Variants in NCKAP5 observed in about 807,000 individuals in gnomAD.
NCKAP5 encodes nck-associated protein 5.
In NCKAP5, 92 loss-of-function variants were observed where a neutral mutation model predicts 167.0. That is an observed-to-expected ratio of 0.55 (90% CI 0.47 to 0.66). The LOEUF is 0.66. NCKAP5 is among the 30% of genes least tolerant of loss of function. The pLI is 0.00. For missense variants in NCKAP5, 2,378 were observed against 2,315.0 expected (o/e 1.03, Z -0.56); for synonymous variants, 891 against 877.4 (o/e 1.02, Z -0.27).
chr2:133,068,784 G>GC (rs2080285391), intron 6 of NCKAP5, among the ~76,000 whole-genome samples: 1 of 152,156 alleles, frequency 6.6e-6, no homozygotes, highest in African/African-American at 2.4e-5. Context: ...AAGATGTTTG[G>GC]AACTAACTTC....
chr2:133,468,914 A>G (rs931472113), intron 3 of NCKAP5, among the ~76,000 whole-genome samples: 12 of 152,288 alleles, frequency 7.9e-5, no homozygotes, highest in South Asian at 2.1e-4. Flanking sequence ...CTCTGAACGT[A>G]AGATGGGTTT....
intron 5 of NCKAP5, among the ~76,000 whole-genome samples, chr2:133,135,909 A>G (rs1378116200): frequency 2.0e-5 from 3 of 152,340 alleles, no homozygotes; most frequent in Middle Eastern, 3.4e-3. Context: ...TACTTCAGCT[A>G]CTTTTGATAA....
intron 6 of NCKAP5, among the ~76,000 whole-genome samples, chr2:133,029,714 A>T (rs1472766056): frequency 6.6e-6 from 1 of 152,142 alleles, no homozygotes; most frequent in Non-Finnish European, 1.5e-5. Flanking sequence ...ATGTAATGGT[A>T]TAGGCTAACA....
intron 11 of NCKAP5, 102 bp downstream of exon 11, chr2:132,860,390 C>T: frequency 7.9e-7 from 1 of 1,272,550 alleles, no homozygotes; most frequent in Non-Finnish European, 1.1e-6. Context: ...GATTCTGATG[C>T]AATATGCCTT....
At chr2:133,213,185 TA>T (rs1417804733) in intron 5 of NCKAP5, among the ~76,000 whole-genome samples, 2 of 152,136 alleles carry the variant, frequency 1.3e-5, no homozygotes, top group Non-Finnish European at 1.5e-5. Context: ...TGGACCAAAA[TA>T]ACTGTATTGA....
intron 4 of NCKAP5, among the ~76,000 whole-genome samples, chr2:133,222,643 C>T (rs1481357755): frequency 7.3e-6 from 1 of 137,738 alleles, no homozygotes; most frequent in African/African-American, 2.5e-5. Flanking sequence ...GTTTTGACCC[C>T]GTGGATCTCT....
At chr2:133,608,785 G>A in the NCKAP5 span, among the ~76,000 whole-genome samples, 1 of 152,116 alleles carries the variant, frequency 6.6e-6, no homozygotes, top group Non-Finnish European at 1.5e-5. Flanking sequence ...AAGTTCAATT[G>A]TGTAACTTTC....
chr2:133,554,547 T>C (rs1328789182), intron 2 of NCKAP5: 1 of 152,186 alleles, frequency 6.6e-6, no homozygotes, highest in Non-Finnish European at 1.5e-5. Context: ...AGTACTCTGA[T>C]CAGTTCCTAG....
At chr2:133,194,145 T>TA (rs2085341324) in intron 5 of NCKAP5, among the ~76,000 whole-genome samples, 2 of 152,116 alleles carry the variant, frequency 1.3e-5, no homozygotes, top group South Asian at 4.1e-4. Flanking sequence ...AAGGCTCCTT[T>TA]TTTTAAAATA....
At chr2:133,017,100 T>C (rs561234986) in intron 6 of NCKAP5, among the ~76,000 whole-genome samples, 123 of 152,344 alleles carry the variant, frequency 8.1e-4, no homozygotes, top group Admixed American at 2.6e-3. Context: ...AAACATAATA[T>C]GAACGATGTC....
At chr2:133,406,827 C>G (rs927403503) in intron 3 of NCKAP5, among the ~76,000 whole-genome samples, 15 of 152,198 alleles carry the variant, frequency 9.9e-5, no homozygotes, top group East Asian at 3.8e-4. Context: ...GCTCCCCTTA[C>G]AGCAAAGCAG....
chr2:132,820,395 A>G (rs1216860908), intron 11 of NCKAP5, among the ~76,000 whole-genome samples: 11 of 151,804 alleles, frequency 7.2e-5, no homozygotes, highest in African/African-American at 2.2e-4. Context: ...ACGCCCAGCT[A>G]ATTTTTGTAT....
At chr2:132,950,387 C>T (rs1297394563) in intron 8 of NCKAP5, among the ~76,000 whole-genome samples, 1 of 152,000 alleles carries the variant, frequency 6.6e-6, no homozygotes, top group African/African-American at 2.4e-5. Context: ...ATTATTAAAT[C>T]TATTGTAATA....
At chr2:133,092,876 T>A (rs139294797) in intron 6 of NCKAP5, among the ~76,000 whole-genome samples, 1 of 152,170 alleles carries the variant, frequency 6.6e-6, no homozygotes. Context: ...ATTAGAGGAA[T>A]ATAGGGGTTC....
At chr2:133,534,515 G>C (rs118101621) in intron 2 of NCKAP5, among the ~76,000 whole-genome samples, 1 of 151,856 alleles carries the variant, frequency 6.6e-6, no homozygotes, top group African/African-American at 2.4e-5. Context: ...CCCAGCCCCC[G>C]GCAACCATTC....
chr2:132,781,156 T>C lies in NCKAP5; in HGVS notation c.4945A>G (p.Ser1649Gly), dbSNP rs937348203. ...NASCRNVLKGSSQGSCLIGSS... is the reference protein window; with the variant it reads ...NASCRNVLKGGSQGSCLIGSS... ...CCGATGAGACAGGAGCCCTGAGAAC[T>C]GCCCTTTAACACATTCCTGCAGGAA... The change falls in exon 15 of 20, where the codon AGT (serine) becomes GGT (glycine). Residue 1649 changes from serine to glycine, a missense_variant. Coordinates refer to ENST00000409261, the MANE Select transcript of NCKAP5 (RefSeq NM_207363.3). 2.2e-5 allele frequency: 36 copies of C among 1,613,958 alleles called. No homozygotes were observed. Among genetic ancestry groups the C allele is most frequent in the Non-Finnish European group, 3.0e-5 (35 of 1,179,884 alleles).
At chr2:132,998,685 T>C (rs1042406173) in intron 6 of NCKAP5, among the ~76,000 whole-genome samples, 18 of 152,336 alleles carry the variant, frequency 1.2e-4, no homozygotes, top group African/African-American at 4.1e-4. Context: ...CCATTGTTGT[T>C]TGACGCCCAA....
At chr2:133,092,726 C>T (rs1444285053) in intron 6 of NCKAP5, among the ~76,000 whole-genome samples, 1 of 152,170 alleles carries the variant, frequency 6.6e-6, no homozygotes, top group East Asian at 1.9e-4. Flanking sequence ...AAAAGTAATA[C>T]AGCCAGTAAA....
At chr2:133,098,841 A>C (rs980430826) in intron 6 of NCKAP5, among the ~76,000 whole-genome samples, 6 of 152,226 alleles carry the variant, frequency 3.9e-5, no homozygotes, top group Admixed American at 6.5e-5. Flanking sequence ...TTAATTATCA[A>C]GGGAGTTTCT....
Sources: allele counts gnomAD v4.1 joint callset (sites outside exome capture counted in the v4.1 genomes callset), GRCh38; gene constraint gnomAD v4.1.1; transcripts MANE v1.5; gene names NCBI Gene and HGNC (gene_info 2026-07-23, HGNC 2026-07-21).